GART: variants seen among roughly 807,000 people sequenced by gnomAD.
GART encodes trifunctional purine biosynthetic protein adenosine-3.
In GART, 43 loss-of-function variants were observed where a neutral mutation model predicts 107.2. The ratio of observed to expected loss-of-function variants is 0.40; its 90% CI spans 0.31 to 0.52. GART has a LOEUF of 0.52. Ranked by LOEUF, GART falls within the 20% of genes least tolerant of loss-of-function variation. The pLI, the probability that GART is intolerant of heterozygous loss-of-function variation, is 0.52. For missense variants in GART, 1,107 were observed against 1,206.5 expected, an observed-to-expected ratio of 0.92 and a Z score of 1.22; for synonymous variants, 434 against 427.0, an observed-to-expected ratio of 1.02 and a Z score of -0.20.
chr21:33,507,233 CTGTCATTTGCAACAACA>C (rs1319427863), intron 18 of GART, among the ~76,000 whole-genome samples: 3 of 152,100 alleles, frequency 2.0e-5, no homozygotes, highest in South Asian at 4.1e-4. Context: ...AGATGAGATC[CTGTCATTTGCAACAACA>C]TGGATGGAAC....
At chr21:33,513,105 C>CTG (rs3057407) in intron 16 of GART, among the ~76,000 whole-genome samples, 3,171 of 144,596 alleles carry the variant, frequency 0.022, 40 homozygotes, top group African/African-American at 0.044. Flanking sequence ...GTGTGTGTCT[C>CTG]TGTGTGTGTG....
chr21:33,529,267 G>A (rs531053595), intron 7 of GART, among the ~76,000 whole-genome samples: 108 of 152,192 alleles, frequency 7.1e-4, no homozygotes, highest in African/African-American at 2.4e-3. Flanking sequence ...TATTTCATAA[G>A]TCTATATATG....
chr21:33,537,562 A>C (rs1416858088), intron 2 of GART, among the ~76,000 whole-genome samples: 2 of 152,226 alleles, frequency 1.3e-5, no homozygotes, highest in Non-Finnish European at 2.9e-5. Flanking sequence ...GATCATAAAC[A>C]AATGAAATGG....
At chr21:33,526,536 A>AT (rs373448235) in intron 10 of GART, among the ~76,000 whole-genome samples, 234 of 144,054 alleles carry the variant, frequency 1.6e-3, no homozygotes, top group Middle Eastern at 3.5e-3. Context: ...TTCTTTTTCG[A>AT]TTTTTTTTTT....
In GART at chr21:33,534,629, T is replaced by C. The variant is rs2085269774; in HGVS notation, c.366A>G (p.Ala122=). ...CAGGTTTGGTGAAAGCCTTCCATTG[T>C]GCGGTTGGGATTCCATGTCTGTCCA... ...EFMDRHGIPT[A]QWKAFTKPEE... The change falls in exon 4 of 22, where the codon GCA becomes GCG. Residue 122 remains alanine, a synonymous_variant. Transcript: ENST00000381815. 2 of 1,614,238 alleles carry C rather than the reference T, an allele frequency of 1.2e-6. No homozygotes were observed. Among genetic ancestry groups the C allele is most frequent in the East Asian group, 2.2e-5 (1 of 44,888 alleles).
At position 33,530,729 on chromosome 21, in the gene GART, C is replaced by T. The variant is rs770182435; in HGVS notation, c.723+30G>A. 3.6e-6 allele frequency: 5 copies of T among 1,386,488 alleles called. No homozygotes were observed. In the South Asian group the frequency reaches 9.7e-5, roughly 27 times the overall value. 85.9% of individuals were successfully genotyped at this position (1,386,488 alleles called of 1,614,324 possible). ...GTTCTCTGAGAAAACCAAACTACTA[C>T]AAGACTTCAGCAGAGTCTTCGGGAA... On this transcript the variant is annotated intron_variant, in intron 7 of 21. Transcript: ENST00000381815.
At chr21:33,511,575 T>TA in intron 16 of GART, 117 bp from the exon 17 acceptor site, 1 of 1,053,136 alleles carries the variant, frequency 9.5e-7, no homozygotes, top group Non-Finnish European at 1.4e-6. Flanking sequence ...TTATGTAGGG[T>TA]AAAACTATAA....
At chr21:33,537,498 A>G (rs548724416) in intron 2 of GART, among the ~76,000 whole-genome samples, 1 of 152,328 alleles carries the variant, frequency 6.6e-6, no homozygotes, top group South Asian at 2.1e-4. Flanking sequence ...CTAGTGGAGG[A>G]AAAGAACATA....
At chr21:33,530,643 A>T in intron 7 of GART, 116 bp downstream of exon 7, 1 of 1,068,686 alleles carries the variant, frequency 9.4e-7, no homozygotes, top group African/African-American at 1.6e-5. Context: ...GCTGATTAGT[A>T]ACATAATTCA....
chr21:33,525,426 C>T (rs1175640015), intron 10 of GART, among the ~76,000 whole-genome samples: 1 of 152,146 alleles, frequency 6.6e-6, no homozygotes, highest in Non-Finnish European at 1.5e-5. Flanking sequence ...AGAACCTTCC[C>T]TATCAGACAG....
Position 33,537,725 on chromosome 21 carries a change from G to A in GART, c.145+1446C>T, listed in dbSNP as rs115039660. Among the ~76,000 whole-genome samples, 828 of 151,196 alleles carry A rather than the reference G, an allele frequency of 5.5e-3. 10 individuals are homozygous for A. The highest frequency in any genetic ancestry group is 0.019 in the African/African-American group (768 of 40,550). ...GCAGCAAGCTTCTGCTTGGGAAATTGGTAGGACAGCATGGATAGGGTATAG... is the reference window on the plus strand; with the variant it reads ...GCAGCAAGCTTCTGCTTGGGAAATTAGTAGGACAGCATGGATAGGGTATAG... On this transcript the variant is annotated intron_variant, in intron 2 of 21. Transcript: ENST00000381815.
At chr21:33,505,481 G>T in intron 20 of GART, 80 bp downstream of exon 20, 1 of 1,264,840 alleles carries the variant, frequency 7.9e-7, no homozygotes, top group Non-Finnish European at 1.1e-6. Context: ...GTTCACTACT[G>T]GGATTGTTTG....
intron 4 of GART, among the ~76,000 whole-genome samples, chr21:33,533,838 G>A (rs1360193362): frequency 6.6e-6 from 1 of 151,936 alleles, no homozygotes; most frequent in Non-Finnish European, 1.5e-5. Context: ...CCAGGAAGCA[G>A]AGGCTGCTGT....
In GART at chr21:33,531,569, A is replaced by ATT. The variant is rs540416206; in HGVS notation, c.529-14_529-13dup. 8,063 of 1,403,424 alleles carry ATT rather than the reference A, an allele frequency of 5.7e-3. 18 individuals are homozygous for ATT. The highest frequency in any genetic ancestry group is 0.029 in the African/African-American group (1,842 of 63,114). 86.9% of individuals were successfully genotyped at this position (1,403,424 alleles called of 1,614,324 possible). ...CCAAAGGCTTTCTCCTGATTGTAAG[A>ATT]TTTTTTTTTTTTTTTTTTTTAAAAA... On this transcript the variant is annotated splice_polypyrimidine_tract_variant and intron_variant, in intron 5 of 21. Transcript: ENST00000381815.
In GART at chr21:33,534,645, T is replaced by A. The variant is rs368971215; in HGVS notation, c.350A>T (p.His117Leu). 4.3e-6 allele frequency: 7 copies of A among 1,614,120 alleles called. No homozygotes were observed. The African/African-American group carries it at 9.3e-5, about 22-fold the overall frequency. Residue 117 changes from histidine (H) to leucine (L), a missense_variant, in exon 4 of 22, where the codon CAT (histidine) becomes CTT (leucine). Physicochemically the swap from His to Leu is moderately conservative, Grantham distance 99. Transcript: ENST00000381815. ...CTTCCATTGTGCGGTTGGGATTCCA[T>A]GTCTGTCCATAAACTCTTTGGCAAA... ...KRFAKEFMDR[H>L]GIPTAQWKAF...
intron 10 of GART, among the ~76,000 whole-genome samples, chr21:33,525,479 A>G (rs181076519): frequency 2.6e-5 from 4 of 152,354 alleles, no homozygotes; most frequent in African/African-American, 9.6e-5. Context: ...TCTGTTGCCA[A>G]GCTAGTAGTG....
chr21:33,523,823 T>C (rs2085016243), intron 11 of GART, among the ~76,000 whole-genome samples: 1 of 151,616 alleles, frequency 6.6e-6, no homozygotes, highest in Non-Finnish European at 1.5e-5. Context: ...AAAAATTAGC[T>C]GGGCACGGTG....
Position 33,504,022 on chromosome 21 carries a change from C to G in GART, c.*102G>C. On this transcript the variant is annotated 3_prime_UTR_variant, in exon 22 of 22. Coordinates refer to ENST00000381815, the MANE Select transcript of GART (RefSeq NM_000819.5). ...GAAGTAAGGGTGAGGTCTTTTTTGT[C>G]TTTTAGCAGTTTTTCTTTTGGGCCA... 1.8e-6 allele frequency: 2 copies of G among 1,089,264 alleles called. No individual in the cohort carries two copies. The highest frequency in any genetic ancestry group is 2.6e-6 in the Non-Finnish European group (2 of 772,906). The allele number at this position is 1,089,264 out of a possible 1,614,324, so 67.5% of individuals were successfully genotyped here. A position where few individuals can be genotyped will look rare whatever the true frequency, so the allele number is the denominator to read the frequency against.
intron 1 of GART, 116 bp from the exon 2 acceptor site, chr21:33,539,472 C>T: frequency 1.6e-6 from 1 of 616,566 alleles, no homozygotes; most frequent in East Asian, 3.4e-5. Flanking sequence ...GCAGGTGGAT[C>T]ACTTGAGGTC....
Sources: allele counts gnomAD v4.1 joint callset (sites outside exome capture counted in the v4.1 genomes callset), GRCh38; gene constraint gnomAD v4.1.1; transcripts MANE v1.5; gene names NCBI Gene and HGNC (gene_info 2026-07-23, HGNC 2026-07-21).